Variants in GRAMD2B observed in about 807,000 individuals in gnomAD.
GRAMD2B encodes the protein GRAM domain-containing protein 2B.
Under a neutral mutation model 59.2 loss-of-function variants are expected in GRAMD2B, and 41 were observed. That is an observed-to-expected ratio of 0.69 (90% confidence interval 0.54 to 0.90). The LOEUF (loss-of-function observed/expected upper bound fraction) is 0.90, where lower values mean the gene tolerates loss of function less well. Among genes scored for constraint, GRAMD2B ranks in the 40% least tolerant of loss-of-function variants. The probability of loss-of-function intolerance (pLI) is 0.00; values close to 1 mark genes in which losing one functional copy is unlikely to be tolerated. For synonymous variants in GRAMD2B, 161 were observed against 182.7 expected, an observed-to-expected ratio of 0.88 and a Z score of 0.96; for missense variants, 424 against 500.5, an observed-to-expected ratio of 0.85 and a Z score of 1.46.
chr5:126,423,054 T>A (rs1005104428), upstream of GRAMD2B: 1 of 532,442 alleles, frequency 1.9e-6, no homozygotes, highest in Non-Finnish European at 2.4e-6. Context: ...TGAAGCAATA[T>A]CCTGTTTGAA....
chr5:126,364,951 T>A (rs1019728824), intron 1 of GRAMD2B, among the ~76,000 whole-genome samples: 3 of 152,242 alleles, frequency 2.0e-5, no homozygotes, highest in African/African-American at 7.2e-5. Flanking sequence ...TTTCTCACTT[T>A]GAAGGGTAAG....
At chr5:126,368,935 G>A (rs1754600012), upstream of GRAMD2B, among the ~76,000 whole-genome samples, 1 of 152,134 alleles carries the variant, frequency 6.6e-6, no homozygotes, top group African/African-American at 2.4e-5. Context: ...TCGTGCATAT[G>A]GCCATCGAGC....
Position 126,492,953 on chromosome 5 carries a change from C to T in GRAMD2B, c.1296C>T (p.Asp432=). 1 of 1,611,734 alleles carries T rather than the reference C, an allele frequency of 6.2e-7. No homozygotes were observed. The highest frequency in any genetic ancestry group is 8.5e-7 in the Non-Finnish European group (1 of 1,177,942). ...NNLQKLLENG[D] ...TACAGAAGTTGCTTGAGAATGGTGA[C>T]TGATCGACCAGATTGCTTGGGCCAT... Residue 432 remains aspartate, a synonymous_variant, in exon 14 of 14, where the codon GAC becomes GAT. Coordinates refer to ENST00000285689, the MANE Select transcript of GRAMD2B (RefSeq NM_023927.4).
At chr5:126,449,363 A>C (rs908020668) in intron 1 of GRAMD2B, among the ~76,000 whole-genome samples, 3 of 152,238 alleles carry the variant, frequency 2.0e-5, no homozygotes, top group Non-Finnish European at 4.4e-5. Flanking sequence ...TTTTTACATA[A>C]TAACAATATG....
chr5:126,483,588 T>A lies in GRAMD2B; in HGVS notation c.847+14T>A. The A allele has an allele frequency of 6.8e-7, 1 of 1,462,586 alleles. No homozygotes were observed. Among genetic ancestry groups the A allele is most frequent in the Non-Finnish European group, 9.6e-7 (1 of 1,046,658 alleles). The allele number at this position is 1,462,586 out of a possible 1,614,324, so 90.6% of individuals were successfully genotyped here. On this transcript the variant is annotated intron_variant, in intron 9 of 13. Coordinates refer to ENST00000285689, the MANE Select transcript of GRAMD2B (RefSeq NM_023927.4). ...AGAACTCTCGAGGTTTGGGAAATTG[T>A]TGTATTTTGACTAAAATTTAATTCC...
chr5:126,415,646 T>G (rs185181091), intron 1 of GRAMD2B, among the ~76,000 whole-genome samples: 176 of 152,278 alleles, frequency 1.2e-3, no homozygotes, highest in Non-Finnish European at 1.5e-3. Context: ...GTAGAAAAAC[T>G]TTCTTATTTG....
chr5:126,466,399 CT>C (rs1768411809), intron 2 of GRAMD2B: 1 of 758,580 alleles, frequency 1.3e-6, no homozygotes, highest in Non-Finnish European at 2.3e-6. Context: ...ATCTCTCCAT[CT>C]TTCCTGCATG....
chr5:126,437,763 G>C lies in GRAMD2B; in HGVS notation c.83+14074G>C, dbSNP rs139983841. ...AGTCACCAGTGGCAAGTACAACCAA[G>C]AGCAGCTACTAAATTGCCCTTGGCA... On this transcript the variant is annotated intron_variant, in intron 1 of 13. Transcript: ENST00000285689. Among the ~76,000 whole-genome samples the C allele has an allele frequency of 1.1e-4, 17 of 152,326 alleles. No individual in the cohort carries two copies. The East Asian group carries it at 2.9e-3, about 26-fold the overall frequency.
At chr5:126,364,924 C>T (rs890295115) in intron 1 of GRAMD2B, among the ~76,000 whole-genome samples, 1 of 152,194 alleles carries the variant, frequency 6.6e-6, no homozygotes, top group African/African-American at 2.4e-5. Flanking sequence ...TGGGAGGGAA[C>T]AGAGAAGATG....
At chr5:126,405,186 G>A (rs1339627653) in intron 1 of GRAMD2B, among the ~76,000 whole-genome samples, 1 of 151,900 alleles carries the variant, frequency 6.6e-6, no homozygotes, top group Non-Finnish European at 1.5e-5. Flanking sequence ...GGAAGAACTG[G>A]TAGTTGAGTT....
chr5:126,488,511 C>A (rs925420353), intron 12 of GRAMD2B, among the ~76,000 whole-genome samples: 1 of 152,168 alleles, frequency 6.6e-6, no homozygotes, highest in South Asian at 2.1e-4. Context: ...TAAGAAACCA[C>A]GTGCTTGAAA....
chr5:126,447,433 C>G (rs566776587), intron 1 of GRAMD2B, among the ~76,000 whole-genome samples: 8 of 152,096 alleles, frequency 5.3e-5, no homozygotes, highest in Non-Finnish European at 1.2e-4. Flanking sequence ...GAGGCCAAGG[C>G]GGGCAGATCA....
Position 126,469,484 on chromosome 5 carries a change from A to C in GRAMD2B, c.204-193A>C, listed in dbSNP as rs1377870276. On this transcript the variant is annotated intron_variant, in intron 2 of 13. Transcript: ENST00000285689. ...TGGTGAAACCCCATCTCTACAAAAAAATGAGCTGGGCATGGTGGCACACAC... is the reference window on the plus strand; with the variant it reads ...TGGTGAAACCCCATCTCTACAAAAACATGAGCTGGGCATGGTGGCACACAC... Among the ~76,000 whole-genome samples the C allele has an allele frequency of 4.6e-5, 7 of 152,154 alleles. No homozygotes were observed. In the East Asian group the frequency reaches 1.2e-3, roughly 25 times the overall value.
intron 1 of GRAMD2B, among the ~76,000 whole-genome samples, chr5:126,464,641 A>G (rs990180425): frequency 6.6e-6 from 1 of 152,176 alleles, no homozygotes; most frequent in Non-Finnish European, 1.5e-5. Flanking sequence ...ACGCCTATTG[A>G]TCATGACTGT....
chr5:126,453,324 G>A (rs1765698200), intron 1 of GRAMD2B, among the ~76,000 whole-genome samples: 1 of 132,454 alleles, frequency 7.5e-6, no homozygotes, highest in African/African-American at 2.9e-5. Flanking sequence ...AACAGAGCAA[G>A]ACTCCATCTT....
In GRAMD2B at chr5:126,391,783, G is replaced by C. The variant is rs148128870; in HGVS notation, c.125+20216G>C. Reference sequence around the variant, plus strand: ...TGGGGATTGATTACTAATGGGTACAGGGTTTTTTGGGGAGGGTGATGAAAA... The same window carrying C: ...TGGGGATTGATTACTAATGGGTACACGGTTTTTTGGGGAGGGTGATGAAAA... On this transcript the variant is annotated intron_variant, in intron 1 of 8. Transcript: ENST00000506445. Among the ~76,000 whole-genome samples the C allele has an allele frequency of 2.8e-4, 43 of 152,338 alleles. 1 individual carries two copies. In the East Asian group the frequency reaches 8.1e-3, roughly 29 times the overall value.
chr5:126,371,536 T>A (rs1441366985), exon 1 of GRAMD2B: 1 of 1,289,138 alleles, frequency 7.8e-7, no homozygotes, highest in Admixed American at 2.3e-5. Context: ...CTCACGCAGC[T>A]CCACAGACAG....
At chr5:126,436,726 A>G (rs866553471) in intron 1 of GRAMD2B, among the ~76,000 whole-genome samples, 1 of 152,244 alleles carries the variant, frequency 6.6e-6, no homozygotes, top group Non-Finnish European at 1.5e-5. Flanking sequence ...ATGAATTTCA[A>G]TCTACTGTGT....
intron 5 of GRAMD2B, among the ~76,000 whole-genome samples, chr5:126,474,408 CAT>C (rs1561583369): frequency 6.6e-6 from 1 of 152,158 alleles, no homozygotes; most frequent in Non-Finnish European, 1.5e-5. Flanking sequence ...TTAGGTAAAA[CAT>C]ATTCTTTTTT....
Sources: gnomAD v4.1 joint callset for allele counts (sites outside exome capture counted in the v4.1 genomes callset) on GRCh38, gnomAD v4.1.1 for gene constraint, MANE v1.5 for transcripts, NCBI Gene and HGNC (gene_info 2026-07-23, HGNC 2026-07-21) for gene names.